The following MTHFD1 variants were observed in gnomAD, a reference collection of about 807,000 sequenced individuals.
MTHFD1 encodes C-1-tetrahydrofolate synthase, cytoplasmic.
A neutral mutation model predicts 110.3 loss-of-function variants in MTHFD1; 44 were observed. That is an observed-to-expected ratio of 0.40 (90% CI 0.31 to 0.51). MTHFD1 has a LOEUF of 0.51. Among genes scored for constraint, MTHFD1 ranks in the 20% least tolerant of loss-of-function variants. The pLI is 0.60. For synonymous variants in MTHFD1, 402 were observed against 428.8 expected (o/e 0.94, Z 0.77); for missense variants, 909 against 1,173.1 (o/e 0.77, Z 3.29).
rs201124621 is a variant in MTHFD1, at chr14:64,451,152, G to A, written c.2457+1530G>A. ...GCACTCTAGCCTGGGCAACAAGTGC[G>A]AAACTTCGTCTCAAAAAAAAAATTT... On this transcript the variant is annotated intron_variant, in intron 24 of 27. Coordinates refer to ENST00000652337, the MANE Select transcript of MTHFD1 (RefSeq NM_005956.4). Among the ~76,000 whole-genome samples, 9 of 152,032 alleles carry A rather than the reference G, an allele frequency of 5.9e-5. No individual in the cohort carries two copies. The East Asian group carries it at 1.7e-3, about 30-fold the overall frequency.
intron 26 of MTHFD1, among the ~76,000 whole-genome samples, chr14:64,455,903 C>G (rs2078464825): frequency 6.6e-6 from 1 of 152,232 alleles, no homozygotes; most frequent in African/African-American, 2.4e-5. Flanking sequence ...GCCTCCTTAG[C>G]TCTCTATAGA....
chr14:64,400,256 C>G (rs369610729), intron 1 of MTHFD1, among the ~76,000 whole-genome samples: 1 of 152,026 alleles, frequency 6.6e-6, no homozygotes, highest in Non-Finnish European at 1.5e-5. Flanking sequence ...GGCTTGGTGG[C>G]GCATGCCTGT....
rs571531922 is a variant in MTHFD1, at chr14:64,454,447, T to C, written c.2566-276T>C. Among the ~76,000 whole-genome samples the C allele has an allele frequency of 2.0e-5, 3 of 152,266 alleles. No individual in the cohort carries two copies. The East Asian group carries it at 5.8e-4, about 29-fold the overall frequency. ...TTTTATTCTCATATCTACTCCAAAC[T>C]ATTATTTTAAATTAGTTTTATGTTA... On this transcript the variant is annotated intron_variant, in intron 25 of 27. Transcript: ENST00000652337.
intron 1 of MTHFD1, among the ~76,000 whole-genome samples, chr14:64,389,761 G>C (rs1018292104): frequency 6.6e-6 from 1 of 151,028 alleles, no homozygotes; most frequent in Non-Finnish European, 1.5e-5. Flanking sequence ...TTTTCAACAT[G>C]TGGCTTGCTA....
chr14:64,421,836 A>T (rs939951242), intron 8 of MTHFD1, among the ~76,000 whole-genome samples: 4 of 152,092 alleles, frequency 2.6e-5, no homozygotes, highest in Non-Finnish European at 4.4e-5. Context: ...CATGTTAGCC[A>T]GGATGGTCTC....
chr14:64,432,663 T>C (rs116892470), intron 15 of MTHFD1, among the ~76,000 whole-genome samples: 1,554 of 152,350 alleles, frequency 0.01, 15 homozygotes, highest in Non-Finnish European at 0.018. Context: ...GAGAAAACTA[T>C]AGTGCTAGGG....
At chr14:64,402,460 C>G (rs1172372230) in intron 2 of MTHFD1, among the ~76,000 whole-genome samples, 2 of 152,158 alleles carry the variant, frequency 1.3e-5, no homozygotes, top group Admixed American at 1.3e-4. Context: ...TTAATTGTTT[C>G]CCTTGAAATA....
In MTHFD1 at chr14:64,449,573, A is replaced by G. The variant is rs149791016; in HGVS notation, c.2408A>G (p.Gln803Arg). 161 of 1,614,246 alleles carry G rather than the reference A, an allele frequency of 1.0e-4. 1 individual carries two copies. In the African/African-American group the frequency reaches 2.0e-3, roughly 20 times the overall value. Residue 803 changes from glutamine to arginine, a missense_variant, in exon 24 of 28, where the codon CAG becomes CGG. By Grantham distance (43) the Gln-to-Arg change is conservative. This residue lies in a region of MTHFD1 where 482 missense variants were observed against 646.0 expected (regional missense o/e 0.75). Transcript: ENST00000652337. ...GCCTTAGCCCTGGCTCAGGCCGTCCAGAGAGCAGCACAAGCACCCAGCAGC... is the reference window on the plus strand; with the variant it reads ...GCCTTAGCCCTGGCTCAGGCCGTCCGGAGAGCAGCACAAGCACCCAGCAGC... ...KGALALAQAV[Q>R]RAAQAPSSFQ...
At chr14:64,436,998 G>T (rs890848171) in intron 16 of MTHFD1, among the ~76,000 whole-genome samples, 4 of 149,116 alleles carry the variant, frequency 2.7e-5, no homozygotes, top group African/African-American at 1.0e-4. Context: ...AGAGTGGGGG[G>T]TGTGTGTGTC....
chr14:64,441,057 T>A, intron 18 of MTHFD1: 1 of 354,758 alleles, frequency 2.8e-6, no homozygotes, highest in Non-Finnish European at 5.5e-6. Flanking sequence ...CCGGGCATAG[T>A]GGCGGGTGCC....
At chr14:64,398,210 T>C (rs748903822) in intron 1 of MTHFD1, among the ~76,000 whole-genome samples, 98 of 152,284 alleles carry the variant, frequency 6.4e-4, no homozygotes, top group Middle Eastern at 3.4e-3. Context: ...GCTATATTAT[T>C]GTAGAGAATA....
intron 15 of MTHFD1, among the ~76,000 whole-genome samples, chr14:64,433,531 C>T (rs2078178445): frequency 6.6e-6 from 1 of 152,066 alleles, no homozygotes; most frequent in Admixed American, 6.6e-5. Context: ...GATTCTCCCA[C>T]CTCACCCAAC....
chr14:64,427,162 C>CA (rs2078125195), intron 11 of MTHFD1, among the ~76,000 whole-genome samples, 175 bp from the exon 12 acceptor site: 1 of 151,688 alleles, frequency 6.6e-6, no homozygotes, highest in African/African-American at 2.4e-5. Flanking sequence ...CTCAAGTGAT[C>CA]CTCTTGCCTC....
At chr14:64,411,000 ATT>A (rs2077979061) in intron 2 of MTHFD1, 88 bp from the exon 3 acceptor site, 1 of 932,122 alleles carries the variant, frequency 1.1e-6, no homozygotes, top group Non-Finnish European at 1.8e-6. Flanking sequence ...ATGATTAAAC[ATT>A]TCTTTTATTA....
Position 64,388,455 on chromosome 14 carries a change from AAGG to A in MTHFD1, c.31_33del (p.Glu11del). ...GGCGCCAGCAGAAATCCTGAACGGGAAGGAGATCTCCGCGTAAGCACCTGACAT... is the reference window on the plus strand; with the variant it reads ...GGCGCCAGCAGAAATCCTGAACGGGAAGATCTCCGCGTAAGCACCTGACAT... On this transcript the variant is annotated inframe_deletion, in exon 1 of 28. Coordinates refer to ENST00000652337, the MANE Select transcript of MTHFD1 (RefSeq NM_005956.4). 1 of 1,613,932 alleles carries A rather than the reference AAGG, an allele frequency of 6.2e-7. No homozygotes were observed. Among genetic ancestry groups the A allele is most frequent in the Non-Finnish European group, 8.5e-7 (1 of 1,180,008 alleles).
intron 15 of MTHFD1, 74 bp downstream of exon 15, chr14:64,431,935 T>C (rs2078163615): frequency 1.5e-6 from 2 of 1,357,988 alleles, no homozygotes; most frequent in Admixed American, 1.7e-5. Flanking sequence ...GACATAAAAG[T>C]CTTCTTGGAG....
Position 64,454,825 on chromosome 14 carries a change from G to A in MTHFD1, c.2668G>A (p.Asp890Asn), listed in dbSNP as rs750902671. The A allele has an allele frequency of 1.5e-5, 24 of 1,614,074 alleles. No individual in the cohort carries two copies. The highest frequency in any genetic ancestry group is 4.0e-5 in the African/African-American group (3 of 74,930). Reference sequence around the variant, plus strand: ...TACAGGCTTCATTCTGCCCATTCGCGACATCCGCGCCAGCGTTGGGGCTGG... The same window carrying A: ...TACAGGCTTCATTCTGCCCATTCGCAACATCCGCGCCAGCGTTGGGGCTGG... ...VPTGFILPIR[D>N]IRASVGAGFL... is the part of the protein sequence containing the mutation. Residue 890 changes from aspartate (D) to asparagine (N), a missense_variant, in exon 26 of 28, where the codon GAC becomes AAC. Around this residue, in one of 3 missense-constraint regions of MTHFD1, gnomAD observed 482 missense variants for 646.0 expected, o/e 0.75. Transcript: ENST00000652337.
chr14:64,439,384 C>A, intron 17 of MTHFD1: 1 of 588,738 alleles, frequency 1.7e-6, no homozygotes, highest in South Asian at 2.0e-5. Flanking sequence ...TTTCCCCCGG[C>A]ATTTTTTCCT....
At chr14:64,457,600 C>G (rs566382027) in intron 26 of MTHFD1, among the ~76,000 whole-genome samples, 1 of 152,118 alleles carries the variant, frequency 6.6e-6, no homozygotes, top group African/African-American at 2.4e-5. Flanking sequence ...GGATTACAGG[C>G]ACACGCCACC....
Sources: gnomAD v4.1 joint callset for allele counts (sites outside exome capture counted in the v4.1 genomes callset) on GRCh38, gnomAD v4.1.1 for gene constraint, gnomAD v4.1.1 regional missense constraint, MANE v1.5 for transcripts, NCBI Gene and HGNC (gene_info 2026-07-23, HGNC 2026-07-21) for gene names.